The following CLDN6 variants were observed in gnomAD, a reference collection of about 807,000 sequenced individuals.
The protein encoded by CLDN6 is claudin 6.
For missense variants in CLDN6, 279 were observed against 284.1 expected, an observed-to-expected ratio of 0.98 and a Z score of 0.13; for synonymous variants, 144 against 131.2, an observed-to-expected ratio of 1.10 and a Z score of -0.67.
chr16:3,016,085 C>T, intron 1 of CLDN6, 43 bp from the exon 2 acceptor site: 7 of 1,540,056 alleles, frequency 4.5e-6, no homozygotes, highest in Non-Finnish European at 6.2e-6. Context: ...GCCTGGCAGG[C>T]CCAGACCTCA....
In CLDN6 at chr16:3,015,545, C is replaced by T; in HGVS notation, c.477G>A (p.Glu159=). ...AGCCCAAGTAGAGGGAGGCCCCCAG[C>T]TCCCGCTTTTGGGCCTCAGCCACCA... The part of the protein sequence containing the change: ...NPLVAEAQKR[E]LGASLYLGWA... The change falls in exon 2 of 2, where the codon GAG becomes GAA. Residue 159 remains glutamate (E), a synonymous_variant. Coordinates refer to ENST00000328796, the MANE Select transcript of CLDN6 (RefSeq NM_021195.5). The T allele has an allele frequency of 6.2e-7, 1 of 1,613,032 alleles. No homozygotes were observed. The highest frequency in any genetic ancestry group is 1.3e-5 in the African/African-American group (1 of 75,056).
rs1283506979 is a variant in CLDN6 at position 3,015,440 on chromosome 16, G to C, written c.582C>G (p.Ser194Arg). Residue 194 changes from serine to arginine, a missense_variant, in exon 2 of 2, where the codon AGC becomes AGG. By Grantham distance (110) the Ser-to-Arg change is moderately radical. Transcript: ENST00000328796. ...TCPSGGSQGP[S>R]HYMARYSTSA... Reference sequence around the variant, plus strand: ...ATGTTGAGTAGCGGGCCATGTAATGGCTGGGGCCCTGGGACCCCCCCGAGG... The same window carrying C: ...ATGTTGAGTAGCGGGCCATGTAATGCCTGGGGCCCTGGGACCCCCCCGAGG... 2 of 1,567,056 alleles carry C rather than the reference G, an allele frequency of 1.3e-6. No individual in the cohort carries two copies. Among genetic ancestry groups the C allele is most frequent in the East Asian group, 2.2e-5 (1 of 44,482 alleles).
At position 3,015,313 on chromosome 16, in the gene CLDN6, C is replaced by T. The variant is rs1291170334; in HGVS notation, c.*46G>A. The T allele has an allele frequency of 6.7e-7, 1 of 1,498,028 alleles. No individual in the cohort carries two copies. Among genetic ancestry groups the T allele is most frequent in the Non-Finnish European group, 8.9e-7 (1 of 1,119,544 alleles). 92.8% of individuals were successfully genotyped at this position (1,498,028 alleles called of 1,614,324 possible). On this transcript the variant is annotated 3_prime_UTR_variant, in exon 2 of 2. Transcript: ENST00000328796. ...ATCCCAAAGCTGTTGGGCACTGCCACTTCTGGATGGCTCTAGCGCCAGCGG... is the reference window on the plus strand; with the variant it reads ...ATCCCAAAGCTGTTGGGCACTGCCATTTCTGGATGGCTCTAGCGCCAGCGG...
chr16:3,015,913 C>T lies in CLDN6; in HGVS notation c.109G>A (p.Gly37Ser), dbSNP rs200968267. Residue 37 changes from glycine to serine, a missense_variant, in exon 2 of 2, where the codon GGC becomes AGC. By Grantham distance (56) the Gly-to-Ser change is moderately conservative (BLOSUM62 0). Transcript: ENST00000328796. ...ACCTGGGCCACCACGATGCTGTTGC[C>T]GATGAAAGCGGTCACCTTCCACATG... ...LPMWKVTAFI[G>S]NSIVVAQVVW... 13 of 1,614,126 alleles carry T rather than the reference C, an allele frequency of 8.1e-6. No individual in the cohort carries two copies. Among genetic ancestry groups the T allele is most frequent in the African/African-American group, 1.3e-5 (1 of 74,950 alleles).
chr16:3,016,481 TTTTG>T (rs997444382), intron 1 of CLDN6, among the ~76,000 whole-genome samples: 6 of 152,136 alleles, frequency 3.9e-5, no homozygotes, highest in Non-Finnish European at 7.4e-5. Context: ...TGTCCATTTG[TTTTG>T]TTTGTTTGTT....
chr16:3,015,547 C>T lies in CLDN6; in HGVS notation c.475G>A (p.Glu159Lys). 1.2e-6 allele frequency: 2 copies of T among 1,613,040 alleles called. No homozygotes were observed. Among genetic ancestry groups the T allele is most frequent in the Non-Finnish European group, 1.7e-6 (2 of 1,179,944 alleles). Residue 159 changes from glutamate to lysine, a missense_variant, in exon 2 of 2, where the codon GAG (glutamate) becomes AAG (lysine). By Grantham distance (56) the Glu-to-Lys change is moderately conservative (BLOSUM62 1). Coordinates refer to ENST00000328796, the MANE Select transcript of CLDN6 (RefSeq NM_021195.5). ...NPLVAEAQKR[E>K]LGASLYLGWA... ...CCCAAGTAGAGGGAGGCCCCCAGCT[C>T]CCGCTTTTGGGCCTCAGCCACCAGG...
In CLDN6 at chr16:3,015,073, C is replaced by G. The variant is rs1467151339; in HGVS notation, c.*286G>C. ...CAAAGCCAGCACAGCAAGCAGCCTC[C>G]GCATTAGTTCCATAGCTTGACTGGC... On this transcript the variant is annotated 3_prime_UTR_variant, in exon 2 of 2. Coordinates refer to ENST00000328796, the MANE Select transcript of CLDN6 (RefSeq NM_021195.5). 6.9e-6 allele frequency: 3 copies of G among 434,936 alleles called. No homozygotes were observed. Among genetic ancestry groups the G allele is most frequent in the Non-Finnish European group, 1.2e-5 (3 of 247,622 alleles). The allele number at this position is 434,936 out of a possible 1,614,324, so 26.9% of individuals were successfully genotyped here.
In CLDN6 at chr16:3,016,008, C is replaced by T. The variant is rs757564613; in HGVS notation, c.14G>A (p.Gly5Glu). The change falls in exon 2 of 2, where the codon GGA (glycine) becomes GAA (glutamate). Residue 5 changes from glycine to glutamate, a missense_variant. Physicochemically the swap from Gly to Glu is moderately conservative, Grantham distance 98 (BLOSUM62 -2). Coordinates refer to ENST00000328796, the MANE Select transcript of CLDN6 (RefSeq NM_021195.5). Reference sequence around the variant, plus strand: ...CAGGACGACTCCCAGGATCTGCATTCCGGCAGAGGCCATGGCGAGGTTGAA... The same window carrying T: ...CAGGACGACTCCCAGGATCTGCATTTCGGCAGAGGCCATGGCGAGGTTGAA... MASA[G>E]MQILGVVLTL... 2.0e-5 allele frequency: 33 copies of T among 1,613,378 alleles called. No homozygotes were observed. Among genetic ancestry groups the T allele is most frequent in the Admixed American group, 3.3e-5 (2 of 60,002 alleles).
chr16:3,017,535 C>T (rs1204191009), intron 1 of CLDN6, among the ~76,000 whole-genome samples: 1 of 152,116 alleles, frequency 6.6e-6, no homozygotes, highest in East Asian at 1.9e-4. Context: ...CGGCAGCGGT[C>T]GGAGGGCAGG....
chr16:3,017,296 C>G (rs578035695), intron 1 of CLDN6, among the ~76,000 whole-genome samples: 14 of 152,338 alleles, frequency 9.2e-5, no homozygotes, highest in African/African-American at 3.1e-4. Flanking sequence ...CTGCCCTAGG[C>G]GCCGGAGAGC....
Position 3,015,902 on chromosome 16 carries a change from G to C in CLDN6, c.120C>G (p.Ile40Met), listed in dbSNP as rs776424991. ...CCTCCCACACCACCTGGGCCACCACGATGCTGTTGCCGATGAAAGCGGTCA... is the reference window on the plus strand; with the variant it reads ...CCTCCCACACCACCTGGGCCACCACCATGCTGTTGCCGATGAAAGCGGTCA... ...WKVTAFIGNS[I>M]VVAQVVWEGL... The change falls in exon 2 of 2, where the codon ATC becomes ATG. Residue 40 changes from isoleucine to methionine, a missense_variant. Ile to Met is a conservative substitution (Grantham distance 10, BLOSUM62 1). Transcript: ENST00000328796. 6.2e-7 allele frequency: 1 copy of C among 1,614,240 alleles called. No individual in the cohort carries two copies.
chr16:3,015,689 C>T lies in CLDN6; in HGVS notation c.333G>A (p.Lys111=). The T allele has an allele frequency of 1.2e-6, 2 of 1,613,698 alleles. No individual in the cohort carries two copies. Among genetic ancestry groups the T allele is most frequent in the Non-Finnish European group, 1.7e-6 (2 of 1,180,040 alleles). The change falls in exon 2 of 2, where the codon AAG becomes AAA. Residue 111 remains lysine, a synonymous_variant. Transcript: ENST00000328796. ...GAKCTTCVEE[K]DSKARLVLTS... ...TGAGCACCAGGCGGGCCTTGGAATC[C>T]TTCTCCTCCACACAGGTGGTACACT...
chr16:3,017,484 AGT>A (rs1355945605), intron 1 of CLDN6, among the ~76,000 whole-genome samples: 1 of 152,056 alleles, frequency 6.6e-6, no homozygotes, highest in Non-Finnish European at 1.5e-5. Context: ...CACTGCCCAG[AGT>A]ACTTTCATTG....
In CLDN6 at chr16:3,015,996, A is replaced by G. The variant is rs556923956; in HGVS notation, c.26T>C (p.Leu9Pro). ...GCCCAGCAGTGTCAGGACGACTCCC[A>G]GGATCTGCATTCCGGCAGAGGCCAT... is the stretch of plus-strand genomic sequence containing the variant. The part of the protein sequence containing the change: MASAGMQI[L>P]GVVLTLLGWV... Residue 9 changes from leucine to proline, a missense_variant, in exon 2 of 2, where the codon CTG (leucine) becomes CCG (proline). By Grantham distance (98) the Leu-to-Pro change is moderately conservative. Coordinates refer to ENST00000328796, the MANE Select transcript of CLDN6 (RefSeq NM_021195.5). 3.7e-6 allele frequency: 6 copies of G among 1,613,916 alleles called. No individual in the cohort carries two copies. The East Asian group carries it at 1.3e-4, about 36-fold the overall frequency.
At chr16:3,016,410 T>C (rs915579155) in intron 1 of CLDN6, among the ~76,000 whole-genome samples, 4 of 152,146 alleles carry the variant, frequency 2.6e-5, no homozygotes, top group African/African-American at 9.7e-5. Context: ...GACGGTGCGA[T>C]TTCCAAGCAG....
intron 1 of CLDN6, among the ~76,000 whole-genome samples, chr16:3,016,651 T>C (rs1203663143): frequency 6.6e-6 from 1 of 150,578 alleles, no homozygotes; most frequent in South Asian, 2.1e-4. Context: ...CGGCTAATTT[T>C]TTTTTTTTTT....
chr16:3,015,116 C>T lies in CLDN6; in HGVS notation c.*243G>A. 1 of 453,384 alleles carries T rather than the reference C, an allele frequency of 2.2e-6. No individual in the cohort carries two copies. The highest frequency in any genetic ancestry group is 6.2e-5 in the South Asian group (1 of 16,200). 28.1% of individuals were successfully genotyped at this position (453,384 alleles called of 1,614,324 possible). A position where few individuals can be genotyped will look rare whatever the true frequency, so the allele number is the denominator to read the frequency against. On this transcript the variant is annotated 3_prime_UTR_variant, in exon 2 of 2. Transcript: ENST00000328796. The stretch of plus-strand genomic sequence containing the variant: ...TGACTGGCTTCTAAGATGGGCATGT[C>T]AAGATCCAGAATCTCAAAGCATCCC...
At chr16:3,016,884 G>A (rs1333286915) in intron 1 of CLDN6, among the ~76,000 whole-genome samples, 3 of 152,114 alleles carry the variant, frequency 2.0e-5, no homozygotes, top group Non-Finnish European at 2.9e-5. Flanking sequence ...TCCTGACTTC[G>A]TGATCCTCCC....
rs113135801 is a variant in CLDN6 at position 3,015,358 on chromosome 16, G to A, written c.*1C>T. 2.1e-3 allele frequency: 3,245 copies of A among 1,519,826 alleles called. 25 individuals are homozygous for A. Among genetic ancestry groups the A allele is most frequent in the East Asian group, 0.019 (832 of 44,122 alleles). 94.1% of individuals were successfully genotyped at this position (1,519,826 alleles called of 1,614,324 possible). A position where few individuals can be genotyped will look rare whatever the true frequency, so the allele number is the denominator to read the frequency against. On this transcript the variant is annotated 3_prime_UTR_variant, in exon 2 of 2. Coordinates refer to ENST00000328796, the MANE Select transcript of CLDN6 (RefSeq NM_021195.5). ...CAGCGGAGCCCCCATTCCCCTCCAC[G>A]TCAGACGTAATTCTTGGTAGGGTAC...
Sources: allele counts gnomAD v4.1 joint callset (sites outside exome capture counted in the v4.1 genomes callset), GRCh38; gene constraint gnomAD v4.1.1; transcripts MANE v1.5; gene names NCBI Gene and HGNC (gene_info 2026-07-23, HGNC 2026-07-21).